FBN3: variants seen among roughly 807,000 people sequenced by gnomAD.
FBN3 encodes the protein fibrillin-3.
A neutral mutation model predicts 330.1 loss-of-function variants in FBN3; 234 were observed. The observed-to-expected ratio is 0.71, with a 90% CI of 0.64 to 0.79. The LOEUF is 0.79. Ranked by LOEUF, FBN3 falls within the 30% of genes least tolerant of loss-of-function variation. The probability of loss-of-function intolerance (pLI) is 0.00; values close to 1 mark genes in which losing one functional copy is unlikely to be tolerated. For synonymous variants in FBN3, 1,458 were observed against 1,517.3 expected (o/e 0.96, Z 0.91); for missense variants, 3,606 against 3,886.9 (o/e 0.93, Z 1.92).
chr19:8,065,928 C>T lies in FBN3; in HGVS notation c.8421G>A (p.Gln2807=). Residue 2807 remains glutamine (Q), a synonymous_variant, in exon 64 of 64, where the codon CAG becomes CAA. Transcript: ENST00000600128. ...CTGAGGCTCCTCCCAACTAAAGCAA[C>T]TGCAGCTGCACCTTCAGCCTCAAGG... is the stretch of plus-strand genomic sequence containing the variant. ...GQALRLKVQL[Q]LL The T allele has an allele frequency of 6.3e-7, 1 of 1,574,822 alleles. No individual in the cohort carries two copies. The highest frequency in any genetic ancestry group is 1.2e-5 in the South Asian group (1 of 86,562).
At chr19:8,089,401 G>T in intron 51 of FBN3, 144 bp downstream of exon 51, 1 of 824,418 alleles carries the variant, frequency 1.2e-6, no homozygotes. Flanking sequence ...GAAGCACAGA[G>T]GGAGAAAAAG....
chr19:8,133,326 CAG>C (rs2083195270), intron 13 of FBN3, among the ~76,000 whole-genome samples: 1 of 152,250 alleles, frequency 6.6e-6, no homozygotes, highest in Non-Finnish European at 1.5e-5. Context: ...GGCTGCAATA[CAG>C]TAGGTGCTGC....
Position 8,109,134 on chromosome 19 carries a change from C to T in FBN3, c.4618+93G>A. 1 of 1,277,106 alleles carries T rather than the reference C, an allele frequency of 7.8e-7. No homozygotes were observed. The highest frequency in any genetic ancestry group is 2.2e-5 in the Admixed American group (1 of 45,020). The allele number at this position is 1,277,106 out of a possible 1,614,324, so 79.1% of individuals were successfully genotyped here. A position where few individuals can be genotyped will look rare whatever the true frequency, so the allele number is the denominator to read the frequency against. On this transcript the variant is annotated intron_variant, in intron 36 of 63. Transcript: ENST00000600128. This position sits in a 1 kb window ranked among gnomAD's most constrained non-coding sequence, Gnocchi z 5.2. ...GTTCTTGGTTTTCCTGTCGCCTAAG[C>T]CCCCCACCACCGCCATTAGCAGAGG... is the stretch of plus-strand genomic sequence containing the variant.
rs768399745 is a variant in FBN3 at position 8,096,544 on chromosome 19, C to T, written c.5439G>A (p.Pro1813=). The T allele has an allele frequency of 2.2e-5, 35 of 1,613,082 alleles. No homozygotes were observed. The highest frequency in any genetic ancestry group is 1.3e-4 in the South Asian group (12 of 91,012). ...TGCAGTCACCATGGCTACAGACATT[C>T]GGGATCTCCCGACACTCATTCCGTC... is the stretch of plus-strand genomic sequence containing the variant. ...CVGRNECREI[P]NVCSHGDCMD... is the part of the protein sequence containing the mutation. Residue 1813 remains proline, a synonymous_variant, in exon 44 of 64, where the codon CCG becomes CCA. Coordinates refer to ENST00000600128, the MANE Select transcript of FBN3 (RefSeq NM_032447.5). The surrounding 1 kb of genome is among the most constrained non-coding windows in gnomAD (Gnocchi z 4.6).
chr19:8,091,766 C>T (rs762601197), intron 47 of FBN3, among the ~76,000 whole-genome samples, 176 bp from the exon 48 acceptor site: 9 of 152,120 alleles, frequency 5.9e-5, no homozygotes, highest in East Asian at 1.9e-4. Flanking sequence ...TGTGTGTGCA[C>T]GTAGGTCCTT....
Position 8,121,515 on chromosome 19 carries a change from C to A in FBN3, c.3083-129G>T. 1 of 921,152 alleles carries A rather than the reference C, an allele frequency of 1.1e-6. No individual in the cohort carries two copies. 57.1% of individuals were successfully genotyped at this position (921,152 alleles called of 1,614,324 possible). The stretch of plus-strand genomic sequence containing the variant: ...GCCCATCTGCAGACATAAGGAGGCA[C>A]AGGCCAAGAGGGGAGGCATGATGCA... On this transcript the variant is annotated intron_variant, in intron 24 of 63. Transcript: ENST00000600128. The surrounding 1 kb of genome is among the most constrained non-coding windows in gnomAD (Gnocchi z 4.5).
chr19:8,131,416 G>C lies in FBN3; in HGVS notation c.1991-128C>G. 2.1e-6 allele frequency: 3 copies of C among 1,436,670 alleles called. No homozygotes were observed. Among genetic ancestry groups the C allele is most frequent in the Non-Finnish European group, 2.9e-6 (3 of 1,042,182 alleles). The allele number at this position is 1,436,670 out of a possible 1,614,324, so 89.0% of individuals were successfully genotyped here. On this transcript the variant is annotated intron_variant, in intron 15 of 63. Coordinates refer to ENST00000600128, the MANE Select transcript of FBN3 (RefSeq NM_032447.5). The surrounding 1 kb of genome is among the most constrained non-coding windows in gnomAD (Gnocchi z 4.5). ...GGACTAAGACACAACTCCAACCCCG[G>C]GGAGGGAGCAACTCCCTTCAGCCTC...
In FBN3 at chr19:8,131,262, C is replaced by G. The variant is rs2083138957; in HGVS notation, c.2017G>C (p.Gly673Arg). 36 of 1,611,540 alleles carry G rather than the reference C, an allele frequency of 2.2e-5. 1 individual carries two copies. The East Asian group carries it at 8.0e-4, about 36-fold the overall frequency. The change falls in exon 16 of 64, where the codon GGG (glycine) becomes CGG (arginine). Residue 673 changes from glycine (G) to arginine (R), a missense_variant. Physicochemically the swap from Gly to Arg is moderately radical, Grantham distance 125. Transcript: ENST00000600128. The surrounding 1 kb of genome is among the most constrained non-coding windows in gnomAD (Gnocchi z 4.5). ...CGACCATCCGTGGTAATGCCAAGCC[C>G]ACTGCTGCACAGTGCCTGGAACTCA... ...SAEFQALCSS[G>R]LGITTDGRDI...
chr19:8,111,532 G>C, intron 32 of FBN3, 116 bp downstream of exon 32: 1 of 1,185,236 alleles, frequency 8.4e-7, no homozygotes, highest in Non-Finnish European at 1.2e-6. Flanking sequence ...AGCACCCACA[G>C]AGCGGCGATT....
At chr19:8,112,389 G>C (rs1256779894) in intron 30 of FBN3, among the ~76,000 whole-genome samples, 1 of 152,186 alleles carries the variant, frequency 6.6e-6, no homozygotes, top group African/African-American at 2.4e-5. Context: ...GCTCACGCCT[G>C]TAATCCCAGC....
intron 13 of FBN3, among the ~76,000 whole-genome samples, chr19:8,135,095 C>T (rs1479971005): frequency 6.6e-6 from 1 of 151,426 alleles, no homozygotes; most frequent in African/African-American, 2.4e-5. Context: ...CCTCCTGCCT[C>T]AGCCTCCTGA....
chr19:8,110,987 G>A lies in FBN3; in HGVS notation c.4211-20C>T, dbSNP rs374446081. On this transcript the variant is annotated intron_variant, in intron 33 of 63. Transcript: ENST00000600128. ...CCACATCTGCGGGGACCCTGGGTCA[G>A]CCTGCCCCACCCAGAGTCTGCAGGG... 1.1e-5 allele frequency: 18 copies of A among 1,614,094 alleles called. No individual in the cohort carries two copies. The African/African-American group carries it at 1.6e-4, about 14-fold the overall frequency.
chr19:8,117,027 A>G, intron 28 of FBN3, 142 bp downstream of exon 28: 1 of 1,339,676 alleles, frequency 7.5e-7, no homozygotes, highest in South Asian at 1.4e-5. Context: ...GCCTGGGGCC[A>G]GGACCACAGG....
rs750199948 is a variant in FBN3 at position 8,138,179 on chromosome 19, C to A, written c.1163G>T (p.Arg388Leu). Residue 388 changes from arginine (R) to leucine (L), a missense_variant, in exon 10 of 64, where the codon CGT (arginine) becomes CTT (leucine). Coordinates refer to ENST00000600128, the MANE Select transcript of FBN3 (RefSeq NM_032447.5). ...ARLNPHGSDA[R>L]GIPSLGPGNS... ...GCCAGGGCCCAGGCTGGGGATCCCA[C>A]GCGCATCAGAGCCATGGGGGTTGAG... 1 of 1,612,660 alleles carries A rather than the reference C, an allele frequency of 6.2e-7. No individual in the cohort carries two copies. Among genetic ancestry groups the A allele is most frequent in the South Asian group, 1.1e-5 (1 of 90,892 alleles).
intron 61 of FBN3, among the ~76,000 whole-genome samples, chr19:8,074,199 G>A (rs574539351): frequency 3.9e-5 from 6 of 152,086 alleles, no homozygotes; most frequent in Non-Finnish European, 8.8e-5. Context: ...GAGTCAGTAC[G>A]GGGGGAGGAA....
Position 8,125,975 on chromosome 19 carries a change from C to T in FBN3, c.2648G>A (p.Gly883Glu), listed in dbSNP as rs2144928783. 3 of 1,613,840 alleles carry T rather than the reference C, an allele frequency of 1.9e-6. No individual in the cohort carries two copies. Among genetic ancestry groups the T allele is most frequent in the Non-Finnish European group, 1.7e-6 (2 of 1,179,982 alleles). Residue 883 changes from glycine (G) to glutamate (E), a missense_variant, in exon 22 of 64, where the codon GGG becomes GAG. Gly to Glu is a moderately conservative substitution (Grantham distance 98). Coordinates refer to ENST00000600128, the MANE Select transcript of FBN3 (RefSeq NM_032447.5). ...CESFPGVCPN[G>E]RCVNTAGSFR... ...AGACCCAGCAGTGTTGACGCAACGC[C>T]CGTTGGGACAGACTCCCGGGAAGGA... is the stretch of plus-strand genomic sequence containing the variant.
Position 8,116,818 on chromosome 19 carries a change from G to A in FBN3, c.3587-19C>T, listed in dbSNP as rs1437460621. Reference sequence around the variant, plus strand: ...TCCACGTCTGGGGGAGCAGGGTTGGGGACTGTGCTTAGCTTTGCCCTGATA... The same window carrying A: ...TCCACGTCTGGGGGAGCAGGGTTGGAGACTGTGCTTAGCTTTGCCCTGATA... On this transcript the variant is annotated intron_variant, in intron 28 of 63. Transcript: ENST00000600128. The A allele has an allele frequency of 1.2e-6, 2 of 1,611,810 alleles. No homozygotes were observed. The highest frequency in any genetic ancestry group is 1.1e-5 in the South Asian group (1 of 90,702).
Position 8,117,606 on chromosome 19 carries a change from G to A in FBN3, c.3338-17C>T. The A allele has an allele frequency of 6.6e-7, 1 of 1,520,884 alleles. No individual in the cohort carries two copies. Among genetic ancestry groups the A allele is most frequent in the Non-Finnish European group, 8.9e-7 (1 of 1,127,702 alleles). The allele number at this position is 1,520,884 out of a possible 1,614,324, so 94.2% of individuals were successfully genotyped here. A position where few individuals can be genotyped will look rare whatever the true frequency, so the allele number is the denominator to read the frequency against. Reference sequence around the variant, plus strand: ...CATCGATGTCTGTGGGGGAGTGCAGGTGAAAGACGGGCCTGTGCCCCATCT... The same window carrying A: ...CATCGATGTCTGTGGGGGAGTGCAGATGAAAGACGGGCCTGTGCCCCATCT... On this transcript the variant is annotated splice_polypyrimidine_tract_variant and intron_variant, in intron 26 of 63. Coordinates refer to ENST00000600128, the MANE Select transcript of FBN3 (RefSeq NM_032447.5).
rs3813773 is a variant in FBN3, at chr19:8,145,932, C to G, written c.356G>C (p.Gly119Ala). The change falls in exon 5 of 64, where the codon GGG becomes GCG. Residue 119 changes from glycine (G) to alanine (A), a missense_variant. Coordinates refer to ENST00000600128, the MANE Select transcript of FBN3 (RefSeq NM_032447.5). ...APSCGVSRGS[G>A]CSVSCMNGGT... ...CCCATTCATACAGCTCACACTGCAC[C>G]CTGACCCTGGGGACAGGAAGGCAGG... is the stretch of plus-strand genomic sequence containing the variant. 2,116 of 1,551,202 alleles carry G rather than the reference C, an allele frequency of 1.4e-3. 27 individuals carry two copies. The East Asian group carries it at 0.023, about 17-fold the overall frequency.
Sources: allele counts gnomAD v4.1 joint callset (sites outside exome capture counted in the v4.1 genomes callset), GRCh38; gene constraint gnomAD v4.1.1; non-coding constraint Gnocchi (gnomAD v3.1); transcripts MANE v1.5; gene names NCBI Gene and HGNC (gene_info 2026-07-23, HGNC 2026-07-21).